The following CALN1 variants were observed in gnomAD, a reference collection of about 807,000 sequenced individuals.
CALN1 encodes the protein calcium-binding protein 8.
A neutral mutation model predicts 30.6 loss-of-function variants in CALN1; 17 were observed. That is an observed-to-expected ratio of 0.56 (90% CI 0.38 to 0.83). CALN1 has a LOEUF of 0.83. Among genes scored for constraint, CALN1 ranks in the 40% least tolerant of loss-of-function variants. CALN1 has a pLI of 0.00. For synonymous variants in CALN1, 156 were observed against 131.4 expected (o/e 1.19, Z -1.28); for missense variants, 291 against 354.9 (o/e 0.82, Z 1.45).
At chr7:72,138,381 C>T (rs1809652300) in intron 3 of CALN1, among the ~76,000 whole-genome samples, 1 of 152,072 alleles carries the variant, frequency 6.6e-6, no homozygotes, top group Non-Finnish European at 1.5e-5. Flanking sequence ...AAACTGGAGG[C>T]TCGAATACAA....
intron 3 of CALN1, among the ~76,000 whole-genome samples, chr7:72,164,326 G>A (rs1320707103): frequency 6.9e-6 from 1 of 145,368 alleles, no homozygotes; most frequent in Non-Finnish European, 1.5e-5. Context: ...ACTCCAGCCT[G>A]GGTGACAAGA....
chr7:72,462,719 C>T, the CALN1 span, among the ~76,000 whole-genome samples: 1 of 152,200 alleles, frequency 6.6e-6, no homozygotes, highest in Admixed American at 6.5e-5. Context: ...GAGATGCACT[C>T]CCTTTTTCCC....
chr7:72,319,654 T>C (rs184219376), intron 2 of CALN1, among the ~76,000 whole-genome samples: 19 of 152,228 alleles, frequency 1.2e-4, no homozygotes, highest in African/African-American at 4.6e-4. Flanking sequence ...GTCAGAATAC[T>C]ATTTGGTTTC....
intron 1 of CALN1, among the ~76,000 whole-genome samples, chr7:72,407,381 CTG>C (rs964376881): frequency 6.6e-6 from 1 of 152,236 alleles, no homozygotes; most frequent in African/African-American, 2.4e-5. Flanking sequence ...TCATGTCAAA[CTG>C]TAATCCCCAA....
intron 3 of CALN1, among the ~76,000 whole-genome samples, chr7:72,192,519 G>A (rs1790682520): frequency 6.6e-6 from 1 of 152,174 alleles, no homozygotes; most frequent in Non-Finnish European, 1.5e-5. Flanking sequence ...ACGATGGATT[G>A]TGATAGGGAA....
chr7:72,413,000 C>A (rs913104962), upstream of CALN1, among the ~76,000 whole-genome samples: 8 of 152,206 alleles, frequency 5.3e-5, no homozygotes, highest in African/African-American at 1.9e-4. Flanking sequence ...TCACGCTAAG[C>A]CCACCTGGAG....
chr7:71,803,966 GT>G (rs1203722033), intron 6 of CALN1, among the ~76,000 whole-genome samples: 1 of 151,998 alleles, frequency 6.6e-6, no homozygotes, highest in African/African-American at 2.4e-5. Flanking sequence ...GTGTGTGTGT[GT>G]GTGTGCGTGC....
intron 2 of CALN1, among the ~76,000 whole-genome samples, chr7:72,380,342 G>C (rs111590578): frequency 0.011 from 1,623 of 152,312 alleles, 11 homozygotes; most frequent in Non-Finnish European, 0.019. Context: ...TCCATCTTAA[G>C]AAACAGAGGT....
intron 5 of CALN1, among the ~76,000 whole-genome samples, chr7:71,937,086 G>C (rs994110653): frequency 7.2e-5 from 11 of 152,134 alleles, no homozygotes; most frequent in Non-Finnish European, 5.9e-5. Context: ...CAATTAGGCA[G>C]CTCTTTAAAT....
At chr7:72,029,129 CTTTTT>C (rs1047963455) in intron 4 of CALN1, among the ~76,000 whole-genome samples, 1 of 151,170 alleles carries the variant, frequency 6.6e-6, no homozygotes, top group Non-Finnish European at 1.5e-5. Flanking sequence ...AATATTTGGT[CTTTTT>C]TTTTCTTTTT....
chr7:72,084,539 T>G (rs896743485), intron 4 of CALN1, among the ~76,000 whole-genome samples: 1 of 151,842 alleles, frequency 6.6e-6, no homozygotes, highest in Non-Finnish European at 1.5e-5. Context: ...TTTTGTATTT[T>G]TAGTAGAGAT....
intron 2 of CALN1, among the ~76,000 whole-genome samples, chr7:72,294,962 T>C (rs1313648164): frequency 2.0e-5 from 3 of 152,206 alleles, no homozygotes. Flanking sequence ...AATTATCAAA[T>C]ATAAGACCAC....
intron 4 of CALN1, among the ~76,000 whole-genome samples, chr7:72,091,055 C>T (rs545407227): frequency 7.2e-5 from 11 of 152,072 alleles, no homozygotes; most frequent in South Asian, 2.1e-4. Flanking sequence ...TGGCAGGGCG[C>T]GGTGGCTCAT....
Position 72,278,923 on chromosome 7 carries a change from C to T in CALN1, c.120-113G>A, listed in dbSNP as rs74996343. The stretch of plus-strand genomic sequence containing the variant: ...ATGGCCAGTGTCATTTTAAAAATAG[C>T]AGTAATATTTCTAGTGGGAAAGTCA... On this transcript the variant is annotated intron_variant, in intron 2 of 6. Coordinates refer to ENST00000395275, the MANE Select transcript of CALN1 (RefSeq NM_031468.4). 5,137 of 1,386,062 alleles carry T rather than the reference C, an allele frequency of 3.7e-3. 286 individuals carry two copies. The East Asian group carries it at 0.11, about 30-fold the overall frequency. 85.9% of individuals were successfully genotyped at this position (1,386,062 alleles called of 1,614,324 possible).
intron 1 of CALN1, among the ~76,000 whole-genome samples, chr7:72,404,855 C>T (rs750710093): frequency 6.6e-6 from 1 of 152,234 alleles, no homozygotes; most frequent in African/African-American, 2.4e-5. Flanking sequence ...ACAGTACCCA[C>T]TGAAAGTCAG....
chr7:71,916,649 A>C (rs547841508), intron 5 of CALN1, among the ~76,000 whole-genome samples: 1 of 152,152 alleles, frequency 6.6e-6, no homozygotes, highest in Non-Finnish European at 1.5e-5. Flanking sequence ...GAGGGGAACA[A>C]CACACACTGG....
intron 4 of CALN1, among the ~76,000 whole-genome samples, chr7:72,050,118 CGAAGGTAGGTATTAATTGA>C (rs1802745614): frequency 6.6e-6 from 1 of 152,016 alleles, no homozygotes; most frequent in South Asian, 2.1e-4. Context: ...CTCGCCCGGC[CGAAGGTAGGTATTAATTGA>C]TGTCCCTGTT....
chr7:71,826,409 C>T (rs192656380), intron 5 of CALN1, among the ~76,000 whole-genome samples: 11 of 152,274 alleles, frequency 7.2e-5, no homozygotes, highest in African/African-American at 9.6e-5. Context: ...ACTCAGACAT[C>T]GTGGTTGACT....
At chr7:72,329,028 C>T (rs570980218) in intron 2 of CALN1, among the ~76,000 whole-genome samples, 10 of 152,326 alleles carry the variant, frequency 6.6e-5, no homozygotes, top group African/African-American at 2.2e-4. Context: ...AACATTTTTC[C>T]GATTGTAAAT....
Sources: allele counts gnomAD v4.1 joint callset (sites outside exome capture counted in the v4.1 genomes callset), GRCh38; gene constraint gnomAD v4.1.1; transcripts MANE v1.5; gene names NCBI Gene and HGNC (gene_info 2026-07-23, HGNC 2026-07-21).